The following UNC45A variants were observed in gnomAD, a reference collection of about 807,000 sequenced individuals.
UNC45A encodes unc-45 myosin chaperone A.
A neutral mutation model predicts 103.2 loss-of-function variants in UNC45A; 78 were observed. The observed-to-expected ratio is 0.76, with a 90% confidence interval of 0.63 to 0.91. The LOEUF (loss-of-function observed/expected upper bound fraction) is 0.91. Among genes scored for constraint, UNC45A ranks in the 40% least tolerant of loss-of-function variants. UNC45A has a pLI of 0.00. For missense variants in UNC45A, 1,193 were observed against 1,224.8 expected, an observed-to-expected ratio of 0.97 and a Z score of 0.39; for synonymous variants, 495 against 504.6, an observed-to-expected ratio of 0.98 and a Z score of 0.25.
Position 90,949,391 on chromosome 15 carries a change from G to A in UNC45A, c.1954G>A (p.Val652Met). ...AGVVSAMVCM[V>M]KTESPVLTSS... ...TGTGGTGTCGGCCATGGTGTGCATG[G>A]TGAAGACGGAGAGCCCTGTGCTGAC... Residue 652 changes from valine to methionine, a missense_variant, in exon 14 of 20, where the codon GTG becomes ATG. Transcript: ENST00000418476. 1 of 1,613,784 alleles carries A rather than the reference G, an allele frequency of 6.2e-7. No homozygotes were observed.
upstream of UNC45A, chr15:90,931,788 G>A (rs138596450): frequency 4.8e-4 from 777 of 1,614,142 alleles, no homozygotes; most frequent in Non-Finnish European, 6.2e-4. Flanking sequence ...CTACTGTGGG[G>A]CGCTTGCTCC....
intron 17 of UNC45A, among the ~76,000 whole-genome samples, chr15:90,951,323 TACTA>T (rs2036900722): frequency 6.6e-6 from 1 of 152,000 alleles, no homozygotes; most frequent in Non-Finnish European, 1.5e-5. Flanking sequence ...TTAGTTTTAT[TACTA>T]ACTGTGACTT....
At chr15:90,931,102 C>T (rs2035772936), upstream of UNC45A, 1 of 707,310 alleles carries the variant, frequency 1.4e-6, no homozygotes, top group African/African-American at 1.8e-5. Context: ...CCACGCGGGG[C>T]TCAGCTTAGT....
In UNC45A at chr15:90,942,901, G is replaced by A; in HGVS notation, c.857-11G>A. 4 of 1,597,822 alleles carry A rather than the reference G, an allele frequency of 2.5e-6. No individual in the cohort carries two copies. In the East Asian group the frequency reaches 6.7e-5, roughly 27 times the overall value. ...CTGTGGAGCCCACTGATGTCTTCTT[G>A]TTGTTGCCAGATCCTGCCCGGGAGC... is the stretch of plus-strand genomic sequence containing the variant. On this transcript the variant is annotated splice_polypyrimidine_tract_variant and intron_variant, in intron 7 of 19. Coordinates refer to ENST00000418476, the MANE Select transcript of UNC45A (RefSeq NM_018671.5).
intron 16 of UNC45A, 67 bp downstream of exon 16, chr15:90,950,334 G>T (rs1192391441): frequency 6.6e-7 from 1 of 1,523,478 alleles, no homozygotes; most frequent in African/African-American, 1.4e-5. Flanking sequence ...CTGGGCTGTA[G>T]CTCCCCTTTG....
chr15:90,931,265 C>A (rs779859569), upstream of UNC45A: 1 of 1,550,650 alleles, frequency 6.4e-7, no homozygotes, highest in South Asian at 1.2e-5. Context: ...TGGATAGCTT[C>A]AAGCACTGAT....
chr15:90,948,061 C>G lies in UNC45A; in HGVS notation c.1596-81C>G, dbSNP rs562331694. ...TGTACATTGAGGGGATGCCCAAACCCTTGGTTTTTCCCCCTTGGCCTTGGT... is the reference window on the plus strand; with the variant it reads ...TGTACATTGAGGGGATGCCCAAACCGTTGGTTTTTCCCCCTTGGCCTTGGT... On this transcript the variant is annotated intron_variant, in intron 11 of 19. Transcript: ENST00000418476. 4 of 1,587,728 alleles carry G rather than the reference C, an allele frequency of 2.5e-6. No individual in the cohort carries two copies. In the South Asian group the frequency reaches 4.5e-5, roughly 18 times the overall value.
intron 6 of UNC45A, 111 bp downstream of exon 6, chr15:90,940,584 T>C: frequency 1.5e-6 from 2 of 1,357,076 alleles, no homozygotes; most frequent in East Asian, 4.8e-5. Context: ...CATCCATCCA[T>C]CCACTCTTCC....
At position 90,935,365 on chromosome 15, in the gene UNC45A, CCACCCCCGGG is replaced by C; in HGVS notation, c.42_51del (p.Thr15ProfsTer85). ...CCAGGGACCCCCGAGCCCCGGCCGG[CCACCCCCGGG>C]GTGCGTACCCAACCCCCGCGCCATC... On this transcript the variant is annotated frameshift_variant and splice_region_variant, in exon 1 of 20. Coordinates refer to ENST00000418476, the MANE Select transcript of UNC45A (RefSeq NM_018671.5). LOFTEE classifies it high-confidence loss of function. 6.2e-7 allele frequency: 1 copy of C among 1,600,966 alleles called. No individual in the cohort carries two copies. Among genetic ancestry groups the C allele is most frequent in the Non-Finnish European group, 8.5e-7 (1 of 1,174,668 alleles).
chr15:90,945,242 C>A (rs57350755), intron 9 of UNC45A, among the ~76,000 whole-genome samples, 179 bp downstream of exon 9: 1 of 152,134 alleles, frequency 6.6e-6, no homozygotes, highest in African/African-American at 2.4e-5. Context: ...AAGTGGCCTC[C>A]GCAGGGAGGT....
upstream of UNC45A, chr15:90,932,656 G>A (rs2035847369): frequency 1.8e-6 from 1 of 562,666 alleles, no homozygotes; most frequent in Non-Finnish European, 2.7e-6. Context: ...GCCGAGTTGG[G>A]CCTGCCCCAG....
chr15:90,933,548 C>T (rs2035880227), upstream of UNC45A: 1 of 152,146 alleles, frequency 6.6e-6, no homozygotes, highest in South Asian at 2.1e-4. Context: ...AGGGGAAAGG[C>T]TAATGAAAGG....
Position 90,949,675 on chromosome 15 carries a change from AG to A in UNC45A, c.2029del (p.Glu677ArgfsTer2), listed in dbSNP as rs1567161072. ...ACAGGGTCTTCTTGGCTTTAGTGGAAGAGGTAGAGGACCGAGGCACTGTGGT... is the reference window on the plus strand; with the variant it reads ...ACAGGGTCTTCTTGGCTTTAGTGGAAAGGTAGAGGACCGAGGCACTGTGGT... ...LSRVFLALVE[E>X]VEDRGTVVAQ... On this transcript the variant is annotated frameshift_variant, in exon 15 of 20. Transcript: ENST00000418476. LOFTEE classifies it high-confidence loss of function. The A allele has an allele frequency of 2.5e-6, 4 of 1,614,172 alleles. No individual in the cohort carries two copies. Among genetic ancestry groups the A allele is most frequent in the Non-Finnish European group, 2.5e-6 (3 of 1,180,022 alleles).
chr15:90,941,919 A>G (rs1278020766), intron 6 of UNC45A, among the ~76,000 whole-genome samples: 1 of 150,052 alleles, frequency 6.7e-6, no homozygotes, highest in African/African-American at 2.5e-5. Flanking sequence ...AGATCGCGCT[A>G]CTGCACTCCA....
At chr15:90,945,327 C>T (rs115567649) in intron 9 of UNC45A, among the ~76,000 whole-genome samples, 212 of 152,166 alleles carry the variant, frequency 1.4e-3, no homozygotes, top group African/African-American at 4.9e-3. Context: ...ACACTTCCTA[C>T]GCTTCTGTTC....
upstream of UNC45A, chr15:90,934,897 G>C (rs1437524248): frequency 2.3e-6 from 1 of 441,432 alleles, no homozygotes; most frequent in African/African-American, 2.0e-5. Flanking sequence ...GCGCAGCAGC[G>C]AGAGCGCGGT....
Position 90,946,843 on chromosome 15 carries a change from A to G in UNC45A, c.1429A>G (p.Asn477Asp), listed in dbSNP as rs1438422226. Reference sequence around the variant, plus strand: ...TAAGCGGGCCTCATTCATCACTGCCAATGGTGTCTCGCTGCTGAAGGACCT... The same window carrying G: ...TAAGCGGGCCTCATTCATCACTGCCGATGGTGTCTCGCTGCTGAAGGACCT... ...KAKRASFITA[N>D]GVSLLKDLYK... Residue 477 changes from asparagine (N) to aspartate (D), a missense_variant, in exon 10 of 20, where the codon AAT (asparagine) becomes GAT (aspartate). Transcript: ENST00000418476. 1 of 1,613,894 alleles carries G rather than the reference A, an allele frequency of 6.2e-7. No individual in the cohort carries two copies. Among genetic ancestry groups the G allele is most frequent in the East Asian group, 2.2e-5 (1 of 44,858 alleles).
intron 10 of UNC45A, chr15:90,947,206 C>T (rs1013910639): frequency 5.1e-5 from 20 of 388,938 alleles, no homozygotes; most frequent in South Asian, 2.5e-4. Context: ...GATGAATGAA[C>T]GAGATTCTGG....
chr15:90,931,300 A>T, upstream of UNC45A: 2 of 1,550,942 alleles, frequency 1.3e-6, no homozygotes, highest in Non-Finnish European at 1.7e-6. Context: ...CCGCTGCTTG[A>T]ACAGATGCTT....
Sources: gnomAD v4.1 joint callset for allele counts (sites outside exome capture counted in the v4.1 genomes callset) on GRCh38, gnomAD v4.1.1 for gene constraint, MANE v1.5 for transcripts, NCBI Gene and HGNC (gene_info 2026-07-23, HGNC 2026-07-21) for gene names.